Variants in AIF1L observed in about 807,000 individuals in gnomAD.
AIF1L encodes the protein allograft inflammatory factor 1 like, also known as allograft inflammatory factor 1-like.
Under a neutral mutation model 20.7 loss-of-function variants are expected in AIF1L, and 12 were observed. The observed-to-expected ratio is 0.58, with a 90% CI of 0.37 to 0.94. The LOEUF (loss-of-function observed/expected upper bound fraction) is 0.94. Ranked by LOEUF, AIF1L falls within the 40% of genes least tolerant of loss-of-function variation. AIF1L has a pLI of 0.01. For synonymous variants in AIF1L, 76 were observed against 65.1 expected (o/e 1.17, Z -0.81); for missense variants, 173 against 185.3 (o/e 0.93, Z 0.39).
At chr9:131,119,177 G>GT (rs1264565955) in intron 5 of AIF1L, among the ~76,000 whole-genome samples, 1 of 151,802 alleles carries the variant, frequency 6.6e-6, no homozygotes, top group Non-Finnish European at 1.5e-5. Flanking sequence ...CATTGCCCCA[G>GT]GGCAGTCTCA....
At chr9:131,114,983 C>G (rs899452152) in intron 4 of AIF1L, among the ~76,000 whole-genome samples, 5 of 152,168 alleles carry the variant, frequency 3.3e-5, no homozygotes, top group African/African-American at 1.2e-4. Flanking sequence ...GTATGTCATT[C>G]GGCAGTTGAC....
chr9:131,120,205 CT>C lies in AIF1L; in HGVS notation c.366-23del, dbSNP rs554146562. 5 of 1,602,674 alleles carry C rather than the reference CT, an allele frequency of 3.1e-6. No homozygotes were observed. The African/African-American group carries it at 5.4e-5, about 17-fold the overall frequency. On this transcript the variant is annotated intron_variant, in intron 5 of 5. Coordinates refer to ENST00000247291, the MANE Select transcript of AIF1L (RefSeq NM_031426.4). ...AAGGATCCTAATCTTGTTTTTCTTT[CT>C]TTTTTTCTTTTCTCCATCTCCAAAC... is the stretch of plus-strand genomic sequence containing the variant.
intron 2 of AIF1L, among the ~76,000 whole-genome samples, chr9:131,101,059 G>T (rs1021585850): frequency 3.4e-4 from 51 of 150,914 alleles, no homozygotes; most frequent in African/African-American, 1.1e-3. Context: ...CACCACGCCC[G>T]GCTAATTTTT....
intron 2 of AIF1L, among the ~76,000 whole-genome samples, chr9:131,108,354 C>A (rs1588183176): frequency 6.6e-6 from 1 of 152,124 alleles, no homozygotes; most frequent in East Asian, 2.0e-4. Flanking sequence ...CACACGCCCC[C>A]ATGCCCGGCT....
At chr9:131,096,768 C>G (rs531166295) in intron 1 of AIF1L, 34 bp from the exon 2 acceptor site, 1 of 1,514,014 alleles carries the variant, frequency 6.6e-7, no homozygotes, top group Non-Finnish European at 8.8e-7. Context: ...CGAAGAGGAC[C>G]CCGCTTCCCA....
At chr9:131,110,933 G>A (rs557668301) in intron 2 of AIF1L, among the ~76,000 whole-genome samples, 15 of 152,016 alleles carry the variant, frequency 9.9e-5, no homozygotes, top group African/African-American at 2.4e-4. Context: ...AGTCTGAGGC[G>A]GAGGGGTGGG....
At chr9:131,119,506 GAAAA>G (rs10612336) in intron 5 of AIF1L, among the ~76,000 whole-genome samples, 198 of 140,400 alleles carry the variant, frequency 1.4e-3, no homozygotes, top group Middle Eastern at 7.4e-3. Flanking sequence ...TGTCTCAAAA[GAAAA>G]AAAAAAAAAA....
intron 4 of AIF1L, among the ~76,000 whole-genome samples, chr9:131,115,449 CAAAAAA>C (rs746698091): frequency 0.015 from 876 of 60,400 alleles, 6 homozygotes; most frequent in South Asian, 0.054. Flanking sequence ...GATTCTGTCT[CAAAAAA>C]AAAAAAAAAA....
At chr9:131,116,914 C>T (rs1352813206) in intron 4 of AIF1L, among the ~76,000 whole-genome samples, 1 of 152,248 alleles carries the variant, frequency 6.6e-6, no homozygotes, top group East Asian at 1.9e-4. Flanking sequence ...CACCTTTGGG[C>T]CTGGCCCCAG....
intron 2 of AIF1L, among the ~76,000 whole-genome samples, chr9:131,104,825 G>C (rs1830710060): frequency 6.6e-6 from 1 of 151,840 alleles, no homozygotes; most frequent in African/African-American, 2.4e-5. Context: ...TTGGGCCCAG[G>C]AGGTTGAGGT....
At chr9:131,106,740 G>A (rs913966926) in intron 2 of AIF1L, among the ~76,000 whole-genome samples, 3 of 151,776 alleles carry the variant, frequency 2.0e-5, no homozygotes, top group Non-Finnish European at 2.9e-5. Context: ...AGCTGTGATC[G>A]TGCCAACAAA....
At chr9:131,106,086 T>C in intron 2 of AIF1L, 1 of 1,323,878 alleles carries the variant, frequency 7.6e-7, no homozygotes, top group Non-Finnish European at 1.0e-6. Flanking sequence ...CCTCAACAGA[T>C]GTTTATTGAG....
At position 131,120,405 on chromosome 9, in the gene AIF1L, C is replaced by A; in HGVS notation, c.*83C>A. On this transcript the variant is annotated 3_prime_UTR_variant, in exon 6 of 6. Coordinates refer to ENST00000247291, the MANE Select transcript of AIF1L (RefSeq NM_031426.4). ...CCCTTCTTGACACACTGTGATCTCT[C>A]TCTCTCTCATTTGTTTGGTCATTGA... 1.8e-6 allele frequency: 2 copies of A among 1,116,922 alleles called. No homozygotes were observed. The highest frequency in any genetic ancestry group is 2.6e-5 in the East Asian group (1 of 39,162). 69.2% of individuals were successfully genotyped at this position (1,116,922 alleles called of 1,614,324 possible).
At chr9:131,105,426 G>A (rs1037892064) in intron 2 of AIF1L, among the ~76,000 whole-genome samples, 2 of 152,126 alleles carry the variant, frequency 1.3e-5, no homozygotes, top group Admixed American at 6.6e-5. Flanking sequence ...GTGCAGTGGC[G>A]CGATCTCAGC....
At chr9:131,109,046 A>C (rs1429324549) in intron 2 of AIF1L, among the ~76,000 whole-genome samples, 1 of 152,184 alleles carries the variant, frequency 6.6e-6, no homozygotes, top group Non-Finnish European at 1.5e-5. Flanking sequence ...TCAAGTGATT[A>C]ATGTGGGTGA....
chr9:131,111,910 CT>C (rs1830897722), intron 3 of AIF1L: 3 of 532,316 alleles, frequency 5.6e-6, no homozygotes, highest in Admixed American at 3.3e-5. Flanking sequence ...GGCCCTGCCC[CT>C]CTCTCTCCCC....
rs575164857 is a variant in AIF1L, at chr9:131,098,740, G to A, written c.93+1877G>A. Among the ~76,000 whole-genome samples the A allele has an allele frequency of 9.2e-5, 14 of 152,344 alleles. No homozygotes were observed. The South Asian group carries it at 2.3e-3, about 25-fold the overall frequency. On this transcript the variant is annotated intron_variant, in intron 2 of 5. Transcript: ENST00000247291. ...CTGATCTGGGCAGCACTGGGACTAG[G>A]GAAAGTGAGCAGGAAGGAGCTGTGG...
At chr9:131,116,991 C>T (rs1293410816) in intron 4 of AIF1L, among the ~76,000 whole-genome samples, 1 of 152,230 alleles carries the variant, frequency 6.6e-6, no homozygotes, top group South Asian at 2.1e-4. Flanking sequence ...CCAGCCCTCT[C>T]CTGCCATCCT....
intron 2 of AIF1L, among the ~76,000 whole-genome samples, chr9:131,100,287 G>C (rs1264314281): frequency 6.6e-6 from 1 of 152,218 alleles, no homozygotes; most frequent in African/African-American, 2.4e-5. Context: ...GAGGAAGGGA[G>C]GTGGGGGAGC....
Sources: allele counts gnomAD v4.1 joint callset (sites outside exome capture counted in the v4.1 genomes callset), GRCh38; gene constraint gnomAD v4.1.1; transcripts MANE v1.5; gene names NCBI Gene and HGNC (gene_info 2026-07-23, HGNC 2026-07-21).